The following DDC variants were observed in gnomAD, a reference collection of about 807,000 sequenced individuals.
The protein encoded by DDC is dopa decarboxylase, also known as aromatic-L-amino-acid decarboxylase.
DDC carries 43 observed loss-of-function variants against 60.0 expected under a neutral mutation model. The observed-to-expected ratio is 0.72, with a 90% CI of 0.56 to 0.92. DDC has a LOEUF of 0.92. Ranked by LOEUF, DDC falls within the 40% of genes least tolerant of loss-of-function variation. DDC has a pLI of 0.00. For synonymous variants in DDC, 232 were observed against 234.6 expected (o/e 0.99, Z 0.10); for missense variants, 573 against 620.2 (o/e 0.92, Z 0.81).
intron 6 of DDC, among the ~76,000 whole-genome samples, chr7:50,523,248 T>C (rs980509432): frequency 6.6e-6 from 1 of 152,176 alleles, no homozygotes; most frequent in Non-Finnish European, 1.5e-5. Flanking sequence ...AAAACCTAGA[T>C]GACCTTAGGA....
At chr7:50,465,491 C>G (rs1204874514) in intron 13 of DDC, among the ~76,000 whole-genome samples, 1 of 152,160 alleles carries the variant, frequency 6.6e-6, no homozygotes, top group Non-Finnish European at 1.5e-5. Flanking sequence ...CCTGCCTCAG[C>G]CTCCCGAGTA....
intron 14 of DDC, among the ~76,000 whole-genome samples, chr7:50,460,423 C>T (rs2042244980): frequency 6.7e-6 from 1 of 148,744 alleles, no homozygotes; most frequent in Admixed American, 6.6e-5. Context: ...GGGTCAGCCC[C>T]CTGCCCGGCC....
At chr7:50,461,980 T>C (rs866724873) in intron 14 of DDC, among the ~76,000 whole-genome samples, 4 of 152,284 alleles carry the variant, frequency 2.6e-5, no homozygotes, top group Admixed American at 2.0e-4. Context: ...CTATCACATA[T>C]ACCAAACATG....
intron 1 of DDC, among the ~76,000 whole-genome samples, chr7:50,559,388 G>A (rs1364331839): frequency 6.6e-6 from 1 of 151,306 alleles, no homozygotes; most frequent in Non-Finnish European, 1.5e-5. Context: ...CTCCAGAAAT[G>A]CCAACAAGCA....
chr7:50,461,293 G>A (rs576514761), intron 14 of DDC, among the ~76,000 whole-genome samples: 2 of 152,136 alleles, frequency 1.3e-5, no homozygotes, highest in African/African-American at 2.4e-5. Flanking sequence ...AATAAGAATA[G>A]TTCCTACTTT....
intron 6 of DDC, among the ~76,000 whole-genome samples, chr7:50,517,474 G>C (rs146879897): frequency 0.013 from 1,920 of 152,234 alleles, 48 homozygotes; most frequent in African/African-American, 0.044. Context: ...ACATAATACT[G>C]AATGGGGAAA....
chr7:50,476,968 G>A (rs1283674572), intron 10 of DDC, among the ~76,000 whole-genome samples: 5 of 152,178 alleles, frequency 3.3e-5, no homozygotes, highest in South Asian at 2.1e-4. Flanking sequence ...TTCAGATCAC[G>A]TAAATCGTTC....
rs190207991 is a variant in DDC at position 50,485,945 on chromosome 7, T to C, written c.945-6082A>G. ...GTCCCTAAAAAGCTTATGAACAGAATAATGAATTCATTATGAAGTATACTT... is the reference window on the plus strand; with the variant it reads ...GTCCCTAAAAAGCTTATGAACAGAACAATGAATTCATTATGAAGTATACTT... On this transcript the variant is annotated intron_variant, in intron 9 of 14. Transcript: ENST00000444124. 2.0e-5 allele frequency among the ~76,000 whole-genome samples: 3 copies of C among 152,284 alleles called. No homozygotes were observed. In the East Asian group the frequency reaches 5.8e-4, roughly 29 times the overall value.
intron 6 of DDC, among the ~76,000 whole-genome samples, chr7:50,518,947 C>T (rs1352118574): frequency 6.6e-6 from 1 of 152,188 alleles, no homozygotes; most frequent in Non-Finnish European, 1.5e-5. Flanking sequence ...GCAGGGTAAA[C>T]AGACAACCCA....
At chr7:50,554,383 G>A (rs371213151) in intron 1 of DDC, among the ~76,000 whole-genome samples, 9 of 151,860 alleles carry the variant, frequency 5.9e-5, no homozygotes, top group Non-Finnish European at 8.8e-5. Flanking sequence ...TGAAACTGCC[G>A]TGAAAGTCTA....
At chr7:50,467,938 G>A (rs147376916) in intron 12 of DDC, among the ~76,000 whole-genome samples, 3 of 152,208 alleles carry the variant, frequency 2.0e-5, no homozygotes, top group African/African-American at 7.2e-5. Context: ...ATTCAGAAAC[G>A]GCCTTCCTCT....
At chr7:50,467,387 T>A in intron 12 of DDC, 72 bp from the exon 13 acceptor site, 1 of 1,241,864 alleles carries the variant, frequency 8.1e-7, no homozygotes, top group Non-Finnish European at 1.2e-6. Context: ...CTAGAAAACC[T>A]TATTAGACTG....
intron 9 of DDC, among the ~76,000 whole-genome samples, chr7:50,480,751 A>T (rs1355812412): frequency 6.6e-6 from 1 of 152,218 alleles, no homozygotes; most frequent in Admixed American, 6.5e-5. Flanking sequence ...GGGACAGCAC[A>T]GTGACTGGCC....
At chr7:50,543,392 A>G in intron 2 of DDC, 1 of 227,340 alleles carries the variant, frequency 4.4e-6, no homozygotes, top group Admixed American at 5.2e-5. Context: ...GGCTTCAGAG[A>G]AAAAGGGCTG....
chr7:50,551,926 A>G (rs906871796), intron 1 of DDC, among the ~76,000 whole-genome samples: 3 of 152,118 alleles, frequency 2.0e-5, no homozygotes, highest in Non-Finnish European at 4.4e-5. Context: ...CAGCAAGCTG[A>G]AGACTCAGAA....
At chr7:50,507,305 T>G (rs2043425714) in intron 6 of DDC, among the ~76,000 whole-genome samples, 1 of 152,168 alleles carries the variant, frequency 6.6e-6, no homozygotes, top group Non-Finnish European at 1.5e-5. Flanking sequence ...TGGTGCGATC[T>G]CAGCTCACTG....
At chr7:50,495,940 A>T (rs2043117969) in intron 8 of DDC, among the ~76,000 whole-genome samples, 1 of 152,206 alleles carries the variant, frequency 6.6e-6, no homozygotes, top group East Asian at 1.9e-4. Context: ...TTCTCAGACT[A>T]CACGTGTCAT....
intron 6 of DDC, among the ~76,000 whole-genome samples, chr7:50,509,711 T>A (rs960640891): frequency 6.6e-6 from 1 of 152,224 alleles, no homozygotes; most frequent in Non-Finnish European, 1.5e-5. Context: ...ACTTGGCACT[T>A]CCAGCAATTT....
At chr7:50,548,597 GA>G (rs1160849056) in intron 1 of DDC, among the ~76,000 whole-genome samples, 12 of 152,158 alleles carry the variant, frequency 7.9e-5, no homozygotes, top group Non-Finnish European at 1.6e-4. Context: ...GAAAGTTGCA[GA>G]AAAAATGCCT....
Sources: gnomAD v4.1 joint callset for allele counts (sites outside exome capture counted in the v4.1 genomes callset) on GRCh38, gnomAD v4.1.1 for gene constraint, MANE v1.5 for transcripts, NCBI Gene and HGNC (gene_info 2026-07-23, HGNC 2026-07-21) for gene names.